LIMCH1: variants seen among roughly 807,000 people sequenced by gnomAD.
LIMCH1 encodes the protein LIM and calponin homology domains 1.
A neutral mutation model predicts 176.5 loss-of-function variants in LIMCH1; 113 were observed. The ratio of observed to expected loss-of-function variants is 0.64; its 90% CI spans 0.55 to 0.75. The LOEUF (loss-of-function observed/expected upper bound fraction) is 0.75. Ranked by LOEUF, LIMCH1 falls within the 30% of genes least tolerant of loss-of-function variation. LIMCH1 has a pLI of 0.00. For synonymous variants in LIMCH1, 619 were observed against 645.9 expected (o/e 0.96, Z 0.63); for missense variants, 1,674 against 1,814.9 (o/e 0.92, Z 1.41).
At chr4:41,637,437 G>A (rs1167090409) in intron 13 of LIMCH1, among the ~76,000 whole-genome samples, 2 of 152,164 alleles carry the variant, frequency 1.3e-5, no homozygotes, top group Non-Finnish European at 2.9e-5. Flanking sequence ...CAATCTGCCT[G>A]CCTTGGCCTC....
At chr4:41,432,370 C>A (rs1312433498) in intron 1 of LIMCH1, among the ~76,000 whole-genome samples, 1 of 152,190 alleles carries the variant, frequency 6.6e-6, no homozygotes, top group Non-Finnish European at 1.5e-5. Flanking sequence ...GACCTGGAAG[C>A]CTGTCCTTTG....
chr4:41,582,290 G>A (rs113428632), intron 1 of LIMCH1, among the ~76,000 whole-genome samples: 1 of 152,150 alleles, frequency 6.6e-6, no homozygotes, highest in African/African-American at 2.4e-5. Flanking sequence ...TGGTGCCAAG[G>A]AATCATGATC....
In LIMCH1 at chr4:41,666,658, A is replaced by G. The variant is rs1212920974; in HGVS notation, c.3389A>G (p.Asn1130Ser). ...EANQLHLPNLNSQVDSPSSEK... is the reference protein window; with the variant it reads ...EANQLHLPNLSSQVDSPSSEK... ...AACCAACTACATTTGCCAAATCTCA[A>G]TTCTCAAGGTAAAGAGGACATGTTT... Residue 1130 changes from asparagine (N) to serine (S), a missense_variant, in exon 21 of 32, where the codon AAT becomes AGT. Physicochemically the swap from Asn to Ser is conservative, Grantham distance 46 (BLOSUM62 1). Transcript: ENST00000503057. 2 of 1,605,654 alleles carry G rather than the reference A, an allele frequency of 1.2e-6. No homozygotes were observed. Among genetic ancestry groups the G allele is most frequent in the Non-Finnish European group, 1.7e-6 (2 of 1,172,432 alleles).
intron 2 of LIMCH1, among the ~76,000 whole-genome samples, chr4:41,499,786 C>T (rs947392330): frequency 3.9e-5 from 6 of 152,090 alleles, no homozygotes; most frequent in Non-Finnish European, 1.5e-5. Context: ...CCACTGCACT[C>T]TAGCCTGGCA....
At chr4:41,677,908 G>A (rs891120542) in intron 23 of LIMCH1, among the ~76,000 whole-genome samples, 3 of 152,124 alleles carry the variant, frequency 2.0e-5, no homozygotes, top group Non-Finnish European at 4.4e-5. Context: ...TCTGCTGCTT[G>A]TAGAAAGCAA....
At chr4:41,574,092 A>G (rs1315750696) in intron 1 of LIMCH1, among the ~76,000 whole-genome samples, 1 of 152,108 alleles carries the variant, frequency 6.6e-6, no homozygotes, top group Non-Finnish European at 1.5e-5. Flanking sequence ...GTTTTGTTGA[A>G]CTAGGTTTAT....
intron 3 of LIMCH1, among the ~76,000 whole-genome samples, chr4:41,527,327 C>T (rs920769837): frequency 2.6e-5 from 4 of 152,134 alleles, no homozygotes; most frequent in Admixed American, 1.3e-4. Flanking sequence ...CAAGTGGTTT[C>T]GTATTCATGT....
chr4:41,375,370 A>G (rs2054581557), intron 1 of LIMCH1, among the ~76,000 whole-genome samples: 1 of 152,164 alleles, frequency 6.6e-6, no homozygotes, highest in Non-Finnish European at 1.5e-5. Flanking sequence ...TATTAGGTGT[A>G]AAAATGTGAT....
At chr4:41,664,682 T>C (rs1475669020) in intron 20 of LIMCH1, among the ~76,000 whole-genome samples, 1 of 152,204 alleles carries the variant, frequency 6.6e-6, no homozygotes, top group African/African-American at 2.4e-5. Context: ...AAGTAAAACA[T>C]ATAACTTGAA....
chr4:41,596,277 C>G (rs1554118176), intron 1 of LIMCH1, among the ~76,000 whole-genome samples: 1 of 132,432 alleles, frequency 7.6e-6, no homozygotes, highest in Non-Finnish European at 1.5e-5. Context: ...TGTACTTCTT[C>G]CACTGGCAAT....
chr4:41,620,559 C>T lies in LIMCH1; in HGVS notation c.594C>T (p.His198=). Residue 198 remains histidine (H), a synonymous_variant, in exon 7 of 32, where the codon CAC becomes CAT. Transcript: ENST00000503057. The part of the protein sequence containing the change: ...CELPDGSGKE[H]PSSDGAVVAP... ...TACCTGACGGCAGTGGTAAGGAGCA[C>T]CCTTCTTCAGACGGGGCTGTGGTGG... The T allele has an allele frequency of 6.5e-7, 1 of 1,536,330 alleles. No individual in the cohort carries two copies. The highest frequency in any genetic ancestry group is 8.7e-7 in the Non-Finnish European group (1 of 1,146,974).
chr4:41,405,362 C>CA (rs2058856302), intron 1 of LIMCH1, among the ~76,000 whole-genome samples: 2 of 152,030 alleles, frequency 1.3e-5, no homozygotes, highest in African/African-American at 4.8e-5. Flanking sequence ...TCAGGTGACA[C>CA]AAAAAAACCT....
At chr4:41,604,771 G>A (rs2090463616) in intron 3 of LIMCH1, among the ~76,000 whole-genome samples, 1 of 152,050 alleles carries the variant, frequency 6.6e-6, no homozygotes, top group Non-Finnish European at 1.5e-5. Context: ...TTATTTGTAA[G>A]CAATCAGTTC....
intron 1 of LIMCH1, among the ~76,000 whole-genome samples, chr4:41,416,133 T>G (rs2059916696): frequency 6.6e-6 from 1 of 152,194 alleles, no homozygotes; most frequent in Non-Finnish European, 1.5e-5. Flanking sequence ...AGGCTTACTT[T>G]GCTGGGTGGT....
Position 41,689,526 on chromosome 4 carries a change from G to A in LIMCH1, c.4167-1G>A. On this transcript the variant is annotated splice_acceptor_variant, in intron 29 of 31. Coordinates refer to ENST00000503057, the MANE Select transcript of LIMCH1 (RefSeq NM_001330672.2). LOFTEE classifies it high-confidence loss of function. ...ATTCTTATGTATATTTTTAAACCTAGGTCTATAAGTGGAAAGAAGCTGTGC... is the reference window on the plus strand; with the variant it reads ...ATTCTTATGTATATTTTTAAACCTAAGTCTATAAGTGGAAAGAAGCTGTGC... 1.9e-6 allele frequency: 3 copies of A among 1,564,266 alleles called. No homozygotes were observed. The highest frequency in any genetic ancestry group is 2.6e-6 in the Non-Finnish European group (3 of 1,134,750).
chr4:41,512,112 C>A (rs548495614), intron 2 of LIMCH1, among the ~76,000 whole-genome samples: 3 of 152,162 alleles, frequency 2.0e-5, no homozygotes, highest in South Asian at 4.2e-4. Flanking sequence ...GACACTTCTC[C>A]AAAGAAGCTA....
At position 41,548,120 on chromosome 4, in the gene LIMCH1, A is replaced by G. The variant is rs2079857883; in HGVS notation, c.-241+9770A>G. Among the ~76,000 whole-genome samples, 7 of 151,958 alleles carry G rather than the reference A, an allele frequency of 4.6e-5. No homozygotes were observed. The South Asian group carries it at 1.5e-3, about 32-fold the overall frequency. On this transcript the variant is annotated intron_variant, in intron 1 of 31. Coordinates refer to ENST00000503057, the MANE Select transcript of LIMCH1 (RefSeq NM_001330672.2). Reference sequence around the variant, plus strand: ...GCACCTTATAAGATCTCAGTGAATGATGATGTATACTTCTGCAATGATACA... The same window carrying G: ...GCACCTTATAAGATCTCAGTGAATGGTGATGTATACTTCTGCAATGATACA...
rs548181811 is a variant in LIMCH1, at chr4:41,688,322, C to G, written c.4166+405C>G. Among the ~76,000 whole-genome samples, 2 of 152,206 alleles carry G rather than the reference C, an allele frequency of 1.3e-5. 1 individual carries two copies. The highest frequency in any genetic ancestry group is 1.3e-4 in the Admixed American group (2 of 15,276). ...GGAGGCTGACAAACGAAACTTCATCCTTCTAACCTACTCCAGCTCTCTAAT... is the reference window on the plus strand; with the variant it reads ...GGAGGCTGACAAACGAAACTTCATCGTTCTAACCTACTCCAGCTCTCTAAT... On this transcript the variant is annotated intron_variant, in intron 29 of 31. Transcript: ENST00000503057.
At chr4:41,463,139 C>A (rs1481873461) in intron 1 of LIMCH1, among the ~76,000 whole-genome samples, 2 of 150,998 alleles carry the variant, frequency 1.3e-5, no homozygotes, top group African/African-American at 4.9e-5. Context: ...GAGGGAGTTA[C>A]ACACGTAGAG....
Sources: allele counts gnomAD v4.1 joint callset (sites outside exome capture counted in the v4.1 genomes callset), GRCh38; gene constraint gnomAD v4.1.1; transcripts MANE v1.5; gene names NCBI Gene and HGNC (gene_info 2026-07-23, HGNC 2026-07-21).